Variants in NDE1 observed in about 807,000 individuals in gnomAD.
NDE1 encodes nudE neurodevelopment protein 1, also known as nuclear distribution protein nudE homolog 1.
NDE1 carries 28 observed loss-of-function variants against 43.4 expected under a neutral mutation model. That is an observed-to-expected ratio of 0.65 (90% CI 0.48 to 0.89). NDE1 has a LOEUF of 0.89. Ranked by LOEUF, NDE1 falls within the 40% of genes least tolerant of loss-of-function variation. The probability of loss-of-function intolerance (pLI) is 0.00; values close to 1 mark genes in which losing one functional copy is unlikely to be tolerated. For missense variants in NDE1, 441 were observed against 434.1 expected, an observed-to-expected ratio of 1.02 and a Z score of -0.14; for synonymous variants, 184 against 172.0, an observed-to-expected ratio of 1.07 and a Z score of -0.55.
intron 1 of NDE1, among the ~76,000 whole-genome samples, chr16:15,660,537 C>G (rs922162647): frequency 6.6e-6 from 1 of 152,128 alleles, no homozygotes; most frequent in Non-Finnish European, 1.5e-5. Flanking sequence ...GAGCCAAGGC[C>G]CCTACCGCCC....
intron 8 of NDE1, among the ~76,000 whole-genome samples, chr16:15,700,771 G>A (rs956502343): frequency 6.6e-6 from 1 of 151,976 alleles, no homozygotes; most frequent in African/African-American, 2.4e-5. Flanking sequence ...CTTGACAGGT[G>A]TTTTTAATGT....
At chr16:15,684,241 A>T (rs1446749561) in intron 4 of NDE1, 10 of 151,870 alleles carry the variant, frequency 6.6e-5, no homozygotes, top group Non-Finnish European at 1.3e-4. Context: ...AAAAAAGAAA[A>T]AAAAAGGTGA....
At chr16:15,718,176 C>A in intron 8 of NDE1, 1 of 1,372,474 alleles carries the variant, frequency 7.3e-7, no homozygotes, top group Non-Finnish European at 1.0e-6. Context: ...TGGATCTCTA[C>A]TCTCAGGCCC....
chr16:15,679,810 G>A (rs1178694304), intron 4 of NDE1, among the ~76,000 whole-genome samples: 3 of 152,116 alleles, frequency 2.0e-5, no homozygotes, highest in African/African-American at 2.4e-5. Context: ...AGACAGTCTT[G>A]CTCTGTCGCC....
intron 1 of NDE1, among the ~76,000 whole-genome samples, chr16:15,656,120 A>G (rs2036755085): frequency 6.6e-6 from 1 of 152,116 alleles, no homozygotes; most frequent in African/African-American, 2.4e-5. Flanking sequence ...CCTAAAACTT[A>G]AAGTATAATA....
intron 1 of NDE1, among the ~76,000 whole-genome samples, chr16:15,655,476 A>C (rs189481619): frequency 6.6e-6 from 1 of 152,338 alleles, no homozygotes; most frequent in East Asian, 1.9e-4. Context: ...GCAAAGGCAA[A>C]AATCTTATAC....
chr16:15,687,102 C>T, intron 4 of NDE1: 1 of 1,320,238 alleles, frequency 7.6e-7, no homozygotes, highest in African/African-American at 1.5e-5. Context: ...CCTGATAGGG[C>T]TTTGGCTTAT....
intron 4 of NDE1, among the ~76,000 whole-genome samples, chr16:15,681,426 G>A (rs986968888): frequency 1.3e-5 from 2 of 151,244 alleles, no homozygotes; most frequent in Non-Finnish European, 2.9e-5. Flanking sequence ...CACTATACCT[G>A]GCTAATTTTT....
At chr16:15,688,672 G>T (rs986454406) in intron 5 of NDE1, among the ~76,000 whole-genome samples, 6 of 97,016 alleles carry the variant, frequency 6.2e-5, no homozygotes, top group African/African-American at 6.9e-5. Flanking sequence ...TTAGTGGATT[G>T]TCCAAGTTGT....
intron 8 of NDE1, chr16:15,718,232 G>T: frequency 1.3e-6 from 2 of 1,596,092 alleles, no homozygotes; most frequent in Non-Finnish European, 1.7e-6. Context: ...ACAGGAAGCC[G>T]CCACGCGTGT....
intron 8 of NDE1, chr16:15,719,293 C>G: frequency 1.2e-6 from 2 of 1,611,904 alleles, no homozygotes; most frequent in Non-Finnish European, 1.7e-6. Context: ...CGAGCCCTCT[C>G]AGCGGCGGCG....
rs1209884443 is a variant in NDE1 at position 15,664,683 on chromosome 16, G to A, written c.-43-53G>A. On this transcript the variant is annotated intron_variant, in intron 1 of 8. Coordinates refer to ENST00000396354, the MANE Select transcript of NDE1 (RefSeq NM_017668.3). ...TTTTTTTTTTTTTTTCTGTTAAAGG[G>A]GATCAGCTGTTTAACCAGATGTGGG... 18 of 985,496 alleles carry A rather than the reference G, an allele frequency of 1.8e-5. No individual in the cohort carries two copies. In the East Asian group the frequency reaches 4.1e-4, roughly 22 times the overall value. The allele number at this position is 985,496 out of a possible 1,614,324, so 61.0% of individuals were successfully genotyped here. A position where few individuals can be genotyped will look rare whatever the true frequency, so the allele number is the denominator to read the frequency against.
chr16:15,708,041 C>G (rs971326148), intron 8 of NDE1, among the ~76,000 whole-genome samples: 2 of 151,590 alleles, frequency 1.3e-5, no homozygotes, highest in African/African-American at 4.9e-5. Context: ...TGTGTGCATC[C>G]TTGAGTCTTG....
intron 8 of NDE1, among the ~76,000 whole-genome samples, chr16:15,702,715 C>T (rs975485027): frequency 3.3e-5 from 5 of 152,020 alleles, no homozygotes; most frequent in South Asian, 2.1e-4. Context: ...CACCATCTGA[C>T]GTTTTGTGGA....
Position 15,725,134 on chromosome 16 carries a change from T to TAAAAA in NDE1, c.*894_*898dup. ...ATACCCGTGAGGTATGGGACTCTGA[T>TAAAAA]AAAAAAAAAAAAAAACACACACACA... On this transcript the variant is annotated 3_prime_UTR_variant, in exon 9 of 9. Coordinates refer to ENST00000396354, the MANE Select transcript of NDE1 (RefSeq NM_017668.3). 1.3e-5 allele frequency: 7 copies of TAAAAA among 540,910 alleles called. No homozygotes were observed. The highest frequency in any genetic ancestry group is 2.1e-5 in the African/African-American group (1 of 48,354). The allele number at this position is 540,910 out of a possible 1,614,324, so 33.5% of individuals were successfully genotyped here. A position where few individuals can be genotyped will look rare whatever the true frequency, so the allele number is the denominator to read the frequency against.
chr16:15,721,584 G>A lies in NDE1; in HGVS notation c.948-2607G>A. 1 of 1,614,178 alleles carries A rather than the reference G, an allele frequency of 6.2e-7. No homozygotes were observed. The highest frequency in any genetic ancestry group is 1.1e-5 in the South Asian group (1 of 91,088). On this transcript the variant is annotated intron_variant, in intron 8 of 8. Transcript: ENST00000396354. ...TCTCCCTGGCTTCTGCCTCAGCTCTGTCCCTCTCATCCGCGTATTTGGAAG... is the reference window on the plus strand; with the variant it reads ...TCTCCCTGGCTTCTGCCTCAGCTCTATCCCTCTCATCCGCGTATTTGGAAG...
intron 8 of NDE1, chr16:15,703,926 T>G (rs768701330): frequency 3.9e-6 from 6 of 1,554,994 alleles, no homozygotes; most frequent in South Asian, 1.1e-5. Flanking sequence ...TGTTGTTGGG[T>G]TTTTTTTGTT....
chr16:15,718,834 A>G (rs2040312650), intron 8 of NDE1: 1 of 403,156 alleles, frequency 2.5e-6, no homozygotes, highest in Non-Finnish European at 4.6e-6. Flanking sequence ...CAGCATTGAA[A>G]TGGGGGTCCA....
chr16:15,671,747 G>C (rs1479139647), intron 3 of NDE1, among the ~76,000 whole-genome samples: 1 of 152,108 alleles, frequency 6.6e-6, no homozygotes, highest in Non-Finnish European at 1.5e-5. Flanking sequence ...CTGGAGTGCA[G>C]TGGTGTGATC....
Sources: allele counts gnomAD v4.1 joint callset (sites outside exome capture counted in the v4.1 genomes callset), GRCh38; gene constraint gnomAD v4.1.1; transcripts MANE v1.5; gene names NCBI Gene and HGNC (gene_info 2026-07-23, HGNC 2026-07-21).